Variants in ERBB4 observed in about 807,000 individuals in gnomAD.
The protein encoded by ERBB4 is receptor tyrosine-protein kinase erbB-4.
A neutral mutation model predicts 158.0 loss-of-function variants in ERBB4; 42 were observed. The ratio of observed to expected loss-of-function variants is 0.27; its 90% confidence interval spans 0.21 to 0.34. The LOEUF (loss-of-function observed/expected upper bound fraction) is 0.34, where lower values mean the gene tolerates loss of function less well. Among genes scored for constraint, ERBB4 ranks in the 10% least tolerant of loss-of-function variants. The pLI is 1.00. For missense variants in ERBB4, 1,333 were observed against 1,624.1 expected (o/e 0.82, Z 3.08); for synonymous variants, 583 against 558.7 (o/e 1.04, Z -0.61).
intron 3 of ERBB4, among the ~76,000 whole-genome samples, chr2:211,889,516 C>T (rs139014649): frequency 0.14 from 21,651 of 150,446 alleles, 2,025 homozygotes; most frequent in African/African-American, 0.26. Context: ...AGGAACGCAG[C>T]TCCTCACCAG....
intron 20 of ERBB4, among the ~76,000 whole-genome samples, chr2:211,536,666 G>A (rs760825848): frequency 2.6e-5 from 4 of 151,944 alleles, no homozygotes; most frequent in Non-Finnish European, 5.9e-5. Flanking sequence ...AAGAAGCAGG[G>A]GAGTGGGAAA....
chr2:211,953,789 T>C (rs769862608), intron 2 of ERBB4, among the ~76,000 whole-genome samples: 12 of 152,088 alleles, frequency 7.9e-5, no homozygotes, highest in Non-Finnish European at 1.6e-4. Flanking sequence ...CATTTGATGA[T>C]AGAAATCAAA....
intron 1 of ERBB4, among the ~76,000 whole-genome samples, chr2:212,276,742 T>C (rs1231770283): frequency 6.6e-6 from 1 of 151,858 alleles, no homozygotes; most frequent in Non-Finnish European, 1.5e-5. Context: ...ATTATTTTTC[T>C]CTCTGATTAC....
At chr2:211,423,799 T>A (rs2063562620) in intron 23 of ERBB4, among the ~76,000 whole-genome samples, 1 of 151,576 alleles carries the variant, frequency 6.6e-6, no homozygotes, top group South Asian at 2.1e-4. Flanking sequence ...TATTTTCCCA[T>A]AAAGGTCACT....
rs1221945172 is a variant in ERBB4 at position 211,659,059 on chromosome 2, G to A, written c.1872-1231C>T. On this transcript the variant is annotated intron_variant, in intron 15 of 27. Transcript: ENST00000342788. The stretch of plus-strand genomic sequence containing the variant: ...AAATTTGAAAAAGCAGCTTAAGATA[G>A]GATCATCATACAATGATGTAAAAAG... Among the ~76,000 whole-genome samples, 3 of 152,138 alleles carry A rather than the reference G, an allele frequency of 2.0e-5. No homozygotes were observed. The South Asian group carries it at 6.2e-4, about 32-fold the overall frequency.
chr2:212,144,667 A>G (rs6732730), intron 1 of ERBB4, among the ~76,000 whole-genome samples: 11,506 of 152,214 alleles, frequency 0.076, 867 homozygotes, highest in African/African-American at 0.19. Flanking sequence ...CTTATGTTCC[A>G]GTATATGGAT....
intron 1 of ERBB4, among the ~76,000 whole-genome samples, chr2:212,283,884 T>A (rs2085854949): frequency 6.6e-6 from 1 of 152,066 alleles, no homozygotes; most frequent in African/African-American, 2.4e-5. Flanking sequence ...AATCCACAGT[T>A]GTTATTCCTC....
chr2:211,404,751 A>G (rs1387612562), intron 25 of ERBB4, among the ~76,000 whole-genome samples: 2 of 152,142 alleles, frequency 1.3e-5, no homozygotes, highest in African/African-American at 4.8e-5. Flanking sequence ...GGAGCTCCAG[A>G]TCAGTCTGGG....
At chr2:211,750,758 T>C in intron 4 of ERBB4, 54 bp from the exon 5 acceptor site, 2 of 1,411,742 alleles carry the variant, frequency 1.4e-6, no homozygotes, top group South Asian at 2.3e-5. Flanking sequence ...TTTCACTCCT[T>C]GACTAGGAGT....
At chr2:211,808,258 A>C (rs1195418967) in intron 3 of ERBB4, among the ~76,000 whole-genome samples, 1 of 152,204 alleles carries the variant, frequency 6.6e-6, no homozygotes, top group Non-Finnish European at 1.5e-5. Context: ...TCATGGTTTT[A>C]GGTCTAACAT....
chr2:212,155,810 C>A (rs938525518), intron 1 of ERBB4, among the ~76,000 whole-genome samples: 1 of 151,956 alleles, frequency 6.6e-6, no homozygotes, highest in Non-Finnish European at 1.5e-5. Context: ...GAAGCTATTG[C>A]AAAATATTAT....
At chr2:211,584,438 C>T (rs997654047) in intron 19 of ERBB4, among the ~76,000 whole-genome samples, 7 of 151,970 alleles carry the variant, frequency 4.6e-5, no homozygotes, top group Admixed American at 6.6e-5. Flanking sequence ...CCTAGGACTC[C>T]TATATGACAT....
chr2:211,699,551 A>G (rs2073155680), intron 12 of ERBB4, among the ~76,000 whole-genome samples: 1 of 152,150 alleles, frequency 6.6e-6, no homozygotes, highest in Non-Finnish European at 1.5e-5. Context: ...CCAAATTTTG[A>G]TAAATGAATT....
chr2:211,685,929 T>C (rs1381451395), intron 12 of ERBB4, among the ~76,000 whole-genome samples: 2 of 152,198 alleles, frequency 1.3e-5, no homozygotes, highest in African/African-American at 4.8e-5. Flanking sequence ...GTTAATTACA[T>C]GTATTCAGAT....
At chr2:211,547,652 A>G (rs1461209905) in intron 20 of ERBB4, among the ~76,000 whole-genome samples, 1 of 152,134 alleles carries the variant, frequency 6.6e-6, no homozygotes, top group Non-Finnish European at 1.5e-5. Context: ...AATCTGCTAC[A>G]ATACCAAGCC....
chr2:212,321,199 A>G (rs536587311), intron 1 of ERBB4, among the ~76,000 whole-genome samples: 15 of 150,420 alleles, frequency 1.0e-4, no homozygotes, highest in Non-Finnish European at 2.1e-4. Flanking sequence ...ATATTTTGCC[A>G]TCGTGTAATT....
chr2:212,374,952 T>C (rs79204359), intron 1 of ERBB4, among the ~76,000 whole-genome samples: 12,127 of 151,986 alleles, frequency 0.08, 593 homozygotes, highest in Non-Finnish European at 0.11. Context: ...GATATTCTCT[T>C]TCCAGATTAA....
chr2:212,295,083 T>C (rs1170876464), intron 1 of ERBB4, among the ~76,000 whole-genome samples: 4 of 152,108 alleles, frequency 2.6e-5, no homozygotes, highest in Non-Finnish European at 5.9e-5. Context: ...CCAATTCCAT[T>C]GGCAGAGCAG....
intron 3 of ERBB4, among the ~76,000 whole-genome samples, chr2:211,828,966 ACT>A (rs2077162561): frequency 6.6e-6 from 1 of 151,948 alleles, no homozygotes; most frequent in Non-Finnish European, 1.5e-5. Context: ...GGTACCAACC[ACT>A]CTCTTTCCTT....
Sources: allele counts gnomAD v4.1 joint callset (sites outside exome capture counted in the v4.1 genomes callset), GRCh38; gene constraint gnomAD v4.1.1; transcripts MANE v1.5; gene names NCBI Gene and HGNC (gene_info 2026-07-23, HGNC 2026-07-21).